GRM7: variants seen among roughly 807,000 people sequenced by gnomAD.
GRM7 encodes metabotropic glutamate receptor 7.
GRM7 carries 35 observed loss-of-function variants against 84.5 expected under a neutral mutation model. That is an observed-to-expected ratio of 0.41 (90% CI 0.32 to 0.55). The LOEUF (loss-of-function observed/expected upper bound fraction) is 0.55. Among genes scored for constraint, GRM7 ranks in the 20% least tolerant of loss-of-function variants. The pLI, the probability that GRM7 is intolerant of heterozygous loss-of-function variation, is 0.19. For synonymous variants in GRM7, 487 were observed against 455.1 expected (o/e 1.07, Z -0.89); for missense variants, 1,003 against 1,194.6 (o/e 0.84, Z 2.36).
intron 2 of GRM7, among the ~76,000 whole-genome samples, chr3:7,256,706 A>G (rs554299154): frequency 3.9e-5 from 6 of 152,328 alleles, no homozygotes; most frequent in African/African-American, 1.4e-4. Flanking sequence ...GGCACTATTT[A>G]TTGAGCATCT....
At chr3:6,994,196 A>G (rs1694749099) in intron 1 of GRM7, among the ~76,000 whole-genome samples, 1 of 152,222 alleles carries the variant, frequency 6.6e-6, no homozygotes, top group Non-Finnish European at 1.5e-5. Context: ...ATTTCTAAAA[A>G]GAATCAGGAC....
intron 4 of GRM7, among the ~76,000 whole-genome samples, chr3:7,381,575 T>C (rs1432904335): frequency 6.6e-6 from 1 of 152,126 alleles, no homozygotes; most frequent in Non-Finnish European, 1.5e-5. Flanking sequence ...TATGAAAAGA[T>C]GTATATCCAA....
chr3:7,665,694 G>A (rs950003629), intron 8 of GRM7, among the ~76,000 whole-genome samples: 4 of 152,076 alleles, frequency 2.6e-5, no homozygotes, highest in Non-Finnish European at 5.9e-5. Flanking sequence ...TTGAAAGTGA[G>A]TATCTGTGCA....
chr3:7,332,916 G>A (rs1252927553), intron 4 of GRM7, among the ~76,000 whole-genome samples: 1 of 151,966 alleles, frequency 6.6e-6, no homozygotes, highest in African/African-American at 2.4e-5. Context: ...AAACTTTTGG[G>A]AGCTCTATGG....
chr3:7,240,811 G>A (rs1001250202), intron 2 of GRM7, among the ~76,000 whole-genome samples: 2 of 152,078 alleles, frequency 1.3e-5, no homozygotes, highest in Non-Finnish European at 2.9e-5. Context: ...TCTGCTGACC[G>A]CGTATACAGT....
intron 2 of GRM7, among the ~76,000 whole-genome samples, chr3:7,152,241 T>C (rs1214850590): frequency 2.6e-5 from 4 of 152,196 alleles, no homozygotes; most frequent in Non-Finnish European, 1.5e-5. Flanking sequence ...CCTTCCCCCA[T>C]CATTACAGTG....
chr3:6,947,079 C>T (rs1043398685), intron 1 of GRM7, among the ~76,000 whole-genome samples: 5 of 152,162 alleles, frequency 3.3e-5, no homozygotes, highest in Non-Finnish European at 7.3e-5. Context: ...GCCAGAACTT[C>T]CAACACTATG....
chr3:7,428,997 A>G (rs1346784115), intron 5 of GRM7, among the ~76,000 whole-genome samples: 1 of 152,054 alleles, frequency 6.6e-6, no homozygotes, highest in East Asian at 1.9e-4. Context: ...TTTTGAGGGG[A>G]ATTGCTTTCT....
At chr3:7,566,364 T>C (rs1432504606) in intron 7 of GRM7, among the ~76,000 whole-genome samples, 1 of 152,208 alleles carries the variant, frequency 6.6e-6, no homozygotes, top group Non-Finnish European at 1.5e-5. Flanking sequence ...ACAAATTTAA[T>C]TTGAAATAAA....
At chr3:7,353,529 T>C (rs1693253162) in intron 4 of GRM7, among the ~76,000 whole-genome samples, 1 of 152,054 alleles carries the variant, frequency 6.6e-6, no homozygotes, top group African/African-American at 2.4e-5. Flanking sequence ...TCTCCCTTGG[T>C]TTACTGTAGA....
At chr3:7,277,046 C>G (rs1179504381) in intron 2 of GRM7, among the ~76,000 whole-genome samples, 5 of 151,900 alleles carry the variant, frequency 3.3e-5, no homozygotes, top group Non-Finnish European at 7.4e-5. Context: ...AGCAAGTGTT[C>G]TATTCATCAC....
At chr3:7,230,064 C>A (rs1375788681) in intron 2 of GRM7, among the ~76,000 whole-genome samples, 1 of 151,644 alleles carries the variant, frequency 6.6e-6, no homozygotes, top group Non-Finnish European at 1.5e-5. Context: ...TGGTCTCGAT[C>A]TCCTGACCTT....
chr3:7,226,261 G>A (rs1289311065), intron 2 of GRM7, among the ~76,000 whole-genome samples: 3 of 152,152 alleles, frequency 2.0e-5, no homozygotes, highest in African/African-American at 7.2e-5. Context: ...CAAGTTTGCT[G>A]TCATGGTGTC....
At chr3:7,491,805 T>C (rs559433618) in intron 7 of GRM7, among the ~76,000 whole-genome samples, 1 of 152,344 alleles carries the variant, frequency 6.6e-6, no homozygotes, top group East Asian at 1.9e-4. Context: ...ACACTGGATA[T>C]GGTTCTTAGT....
At chr3:7,733,829 A>G (rs1702406171) in intron 9 of GRM7, among the ~76,000 whole-genome samples, 1 of 152,142 alleles carries the variant, frequency 6.6e-6, no homozygotes, top group Non-Finnish European at 1.5e-5. Context: ...CTTTGGAAAC[A>G]AAGTATACCT....
At chr3:7,251,717 C>G (rs935956534) in intron 2 of GRM7, among the ~76,000 whole-genome samples, 6 of 152,150 alleles carry the variant, frequency 3.9e-5, no homozygotes, top group African/African-American at 1.4e-4. Flanking sequence ...GATATTCAGT[C>G]CACTCTGTGA....
intron 8 of GRM7, among the ~76,000 whole-genome samples, chr3:7,648,664 A>G (rs556020403): frequency 1.3e-5 from 2 of 151,874 alleles, no homozygotes; most frequent in South Asian, 4.2e-4. Flanking sequence ...GAAAAAAAAA[A>G]AAAGGATCAA....
rs1293006081 is a variant in GRM7, at chr3:7,051,142, A to G, written c.520-95310A>G. ...GGTAAAAATCTGAGAAATATTTGCA[A>G]TTGAGGAAACCAGGATTTACAATAT... On this transcript the variant is annotated intron_variant, in intron 1 of 9. Transcript: ENST00000357716. Among the ~76,000 whole-genome samples, 6 of 151,940 alleles carry G rather than the reference A, an allele frequency of 3.9e-5. No homozygotes were observed. The East Asian group carries it at 5.8e-4, about 15-fold the overall frequency.
intron 1 of GRM7, among the ~76,000 whole-genome samples, chr3:6,997,355 A>G (rs1166741420): frequency 6.6e-6 from 1 of 152,206 alleles, no homozygotes; most frequent in Admixed American, 6.5e-5. Flanking sequence ...TTATAAAGGA[A>G]AGAGGTCTAT....
Sources: gnomAD v4.1 joint callset for allele counts (sites outside exome capture counted in the v4.1 genomes callset) on GRCh38, gnomAD v4.1.1 for gene constraint, MANE v1.5 for transcripts, NCBI Gene and HGNC (gene_info 2026-07-23, HGNC 2026-07-21) for gene names.